Variants in HDAC4 observed in about 807,000 individuals in gnomAD.
HDAC4 encodes histone deacetylase A.
Under a neutral mutation model 135.1 loss-of-function variants are expected in HDAC4, and 16 were observed. The ratio of observed to expected loss-of-function variants is 0.12; its 90% CI spans 0.08 to 0.18. The LOEUF (loss-of-function observed/expected upper bound fraction) is 0.18, where lower values mean the gene tolerates loss of function less well. HDAC4 is among the 10% of genes least tolerant of loss of function. The pLI, the probability that HDAC4 is intolerant of heterozygous loss-of-function variation, is 1.00. For missense variants in HDAC4, 1,143 were observed against 1,511.8 expected, an observed-to-expected ratio of 0.76 and a Z score of 4.05; for synonymous variants, 685 against 653.4, an observed-to-expected ratio of 1.05 and a Z score of -0.74.
intron 3 of HDAC4, among the ~76,000 whole-genome samples, chr2:239,193,094 A>G (rs2045110482): frequency 6.6e-6 from 1 of 152,200 alleles, no homozygotes; most frequent in African/African-American, 2.4e-5. Context: ...GTTATTGCCT[A>G]CGTCTCGCCT....
At chr2:239,345,954 CACAT>C (rs1692615289) in intron 2 of HDAC4, among the ~76,000 whole-genome samples, 1 of 148,336 alleles carries the variant, frequency 6.7e-6, no homozygotes, top group Admixed American at 6.7e-5. Flanking sequence ...CATCCTAACA[CACAT>C]ACACACCGTC....
At chr2:239,211,335 T>C (rs59982868) in intron 3 of HDAC4, among the ~76,000 whole-genome samples, 3,133 of 152,310 alleles carry the variant, frequency 0.021, 100 homozygotes, top group African/African-American at 0.072. Context: ...CTGGAAAGAA[T>C]TGGGCTCTGC....
intron 2 of HDAC4, among the ~76,000 whole-genome samples, chr2:239,281,099 CTACACACAATG>C (rs1228553119): frequency 7.5e-6 from 1 of 134,182 alleles, no homozygotes; most frequent in Non-Finnish European, 1.6e-5. Context: ...ACACACCACT[CTACACACAATG>C]TACACACCAC....
At chr2:239,144,804 G>C in intron 7 of HDAC4, 90 bp from the exon 8 acceptor site, 1 of 1,353,826 alleles carries the variant, frequency 7.4e-7, no homozygotes, top group South Asian at 1.2e-5. Context: ...ACGCACTCTG[G>C]TGAGTAAATA....
chr2:239,052,662 T>G lies in HDAC4; in HGVS notation c.*435A>C. On this transcript the variant is annotated 3_prime_UTR_variant, in exon 27 of 27. Coordinates refer to ENST00000543185, the MANE Select transcript of HDAC4 (RefSeq NM_001378414.1). ...AGTGGTTTACACAGAGACTGTGGAG[T>G]TGTGGGTAATAAACTTTAAGCACCA... 4.5e-6 allele frequency: 1 copy of G among 224,526 alleles called. No individual in the cohort carries two copies. Among genetic ancestry groups the G allele is most frequent in the Non-Finnish European group, 9.1e-6 (1 of 110,494 alleles). The allele number at this position is 224,526 out of a possible 1,614,324, so 13.9% of individuals were successfully genotyped here. A position where few individuals can be genotyped will look rare whatever the true frequency, so the allele number is the denominator to read the frequency against.
At chr2:239,317,405 G>A (rs982950479) in intron 2 of HDAC4, among the ~76,000 whole-genome samples, 2 of 152,038 alleles carry the variant, frequency 1.3e-5, no homozygotes, top group East Asian at 3.9e-4. Flanking sequence ...CCCCGAGAAA[G>A]GAACCAGGCC....
At chr2:239,130,164 A>G (rs945204853) in intron 11 of HDAC4, among the ~76,000 whole-genome samples, 16 of 152,222 alleles carry the variant, frequency 1.1e-4, no homozygotes, top group African/African-American at 3.9e-4. Context: ...CGGCCGCCCA[A>G]GGGAACAATG....
At chr2:239,132,576 C>T (rs541401220) in intron 11 of HDAC4, among the ~76,000 whole-genome samples, 3 of 152,240 alleles carry the variant, frequency 2.0e-5, no homozygotes, top group East Asian at 1.9e-4. Context: ...CCCATGCCAA[C>T]GAGCAAGCTG....
chr2:239,287,770 T>C (rs2051219408), intron 2 of HDAC4, among the ~76,000 whole-genome samples: 1 of 152,158 alleles, frequency 6.6e-6, no homozygotes, highest in Non-Finnish European at 1.5e-5. Context: ...GACTAAGTCA[T>C]GTTGTAAATG....
chr2:239,199,768 C>G (rs904279424), intron 3 of HDAC4, among the ~76,000 whole-genome samples: 6 of 149,022 alleles, frequency 4.0e-5, no homozygotes, highest in African/African-American at 1.5e-4. Flanking sequence ...GAGTCTCGCT[C>G]TGTCACCCAG....
rs1273431054 is a variant in HDAC4, at chr2:239,190,144, C to T, written c.95-67G>A. 3.2e-6 allele frequency: 5 copies of T among 1,546,976 alleles called. No individual in the cohort carries two copies. In the African/African-American group the frequency reaches 6.8e-5, roughly 21 times the overall value. ...TTGCTGTCCCTGGGCCCCAGAGCCC[C>T]CACCCAACACACTGGCCACCTTCAC... On this transcript the variant is annotated intron_variant, in intron 3 of 26. Coordinates refer to ENST00000543185, the MANE Select transcript of HDAC4 (RefSeq NM_001378414.1).
intron 3 of HDAC4, among the ~76,000 whole-genome samples, chr2:239,223,208 A>G (rs2047060513): frequency 1.3e-5 from 2 of 152,194 alleles, no homozygotes; most frequent in African/African-American, 4.8e-5. Flanking sequence ...AGCTGGGCCG[A>G]AGTAGGAACC....
At chr2:239,206,972 G>A (rs1338895845) in intron 3 of HDAC4, among the ~76,000 whole-genome samples, 1 of 152,204 alleles carries the variant, frequency 6.6e-6, no homozygotes, top group Admixed American at 6.5e-5. Context: ...ACTGGGGTCT[G>A]ATTCTGAAAG....
At chr2:239,247,221 A>T (rs1431695878) in intron 2 of HDAC4, among the ~76,000 whole-genome samples, 1 of 152,062 alleles carries the variant, frequency 6.6e-6, no homozygotes, top group Non-Finnish European at 1.5e-5. Flanking sequence ...TGCTGTACCC[A>T]CCACTTCTGT....
At chr2:239,151,765 G>C (rs1290551657) in intron 7 of HDAC4, among the ~76,000 whole-genome samples, 1 of 152,206 alleles carries the variant, frequency 6.6e-6, no homozygotes, top group Non-Finnish European at 1.5e-5. Context: ...TGAGCTCTGG[G>C]ATTTTGCTTC....
At chr2:239,362,338 T>A (rs2125970295) in intron 1 of HDAC4, among the ~76,000 whole-genome samples, 1 of 152,372 alleles carries the variant, frequency 6.6e-6, no homozygotes, top group South Asian at 2.1e-4. Context: ...AATCTAAGGT[T>A]ACCTATGGTT....
intron 2 of HDAC4, among the ~76,000 whole-genome samples, chr2:239,257,558 G>T (rs1469494658): frequency 1.3e-5 from 2 of 152,134 alleles, no homozygotes; most frequent in Non-Finnish European, 2.9e-5. Context: ...AGGGAAATGT[G>T]GGTTGGGATC....
At chr2:239,168,039 C>A (rs1053377520) in intron 5 of HDAC4, among the ~76,000 whole-genome samples, 1 of 152,178 alleles carries the variant, frequency 6.6e-6, no homozygotes, top group African/African-American at 2.4e-5. Context: ...CTGGGCCTGG[C>A]GAGTCCAGAC....
chr2:239,059,177 G>A (rs2032305489), intron 24 of HDAC4, among the ~76,000 whole-genome samples: 1 of 152,218 alleles, frequency 6.6e-6, no homozygotes, highest in African/African-American at 2.4e-5. Flanking sequence ...CTATCACGAT[G>A]TGAGATGCGG....
Sources: allele counts gnomAD v4.1 joint callset (sites outside exome capture counted in the v4.1 genomes callset), GRCh38; gene constraint gnomAD v4.1.1; transcripts MANE v1.5; gene names NCBI Gene and HGNC (gene_info 2026-07-23, HGNC 2026-07-21).